Variants in DNAH11 observed in about 807,000 individuals in gnomAD.
The protein encoded by DNAH11 is axonemal beta dynein heavy chain 11.
In DNAH11, 442 loss-of-function variants were observed where a neutral mutation model predicts 526.0. That is an observed-to-expected ratio of 0.84 (90% CI 0.78 to 0.91). DNAH11 has a LOEUF of 0.91. Ranked by LOEUF, DNAH11 falls within the 40% of genes least tolerant of loss-of-function variation. The pLI, the probability that DNAH11 is intolerant of heterozygous loss-of-function variation, is 0.00. For synonymous variants in DNAH11, 2,461 were observed against 1,935.9 expected (o/e 1.27, Z -7.12); for missense variants, 6,989 against 5,448.7 (o/e 1.28, Z -8.90).
intron 55 of DNAH11, 53 bp from the exon 56 acceptor site, chr7:21,773,713 T>C: frequency 2.4e-6 from 3 of 1,231,792 alleles, no homozygotes; most frequent in Non-Finnish European, 3.2e-6. Context: ...TTTTTTAAGT[T>C]GTATTTTTAA....
intron 69 of DNAH11, among the ~76,000 whole-genome samples, chr7:21,863,595 G>C (rs973840797): frequency 4.6e-5 from 7 of 152,046 alleles, no homozygotes; most frequent in African/African-American, 1.7e-4. Flanking sequence ...GAAAGTGCTG[G>C]GATTACAGGC....
chr7:21,724,004 A>G (rs536685388), intron 44 of DNAH11, among the ~76,000 whole-genome samples: 10 of 152,338 alleles, frequency 6.6e-5, no homozygotes, highest in Admixed American at 2.0e-4. Context: ...TATGTTCCCC[A>G]TAAACTCTGT....
intron 63 of DNAH11, among the ~76,000 whole-genome samples, chr7:21,815,015 G>A (rs984026953): frequency 2.0e-5 from 3 of 152,114 alleles, no homozygotes; most frequent in Non-Finnish European, 4.4e-5. Context: ...TTTATATTAA[G>A]ATGGGTTTTA....
chr7:21,567,341 T>C (rs6461581), intron 6 of DNAH11, among the ~76,000 whole-genome samples: 15,353 of 152,208 alleles, frequency 0.1, 1,441 homozygotes, highest in East Asian at 0.29. Context: ...CATGAATTTA[T>C]TGATAAAGTT....
At chr7:21,870,766 T>C (rs1783465661) in intron 73 of DNAH11, among the ~76,000 whole-genome samples, 1 of 152,248 alleles carries the variant, frequency 6.6e-6, no homozygotes, top group Non-Finnish European at 1.5e-5. Flanking sequence ...AAGGATCTAC[T>C]TTTGGATATT....
rs543850217 is a variant in DNAH11 at position 21,561,686 on chromosome 7, T to A, written c.982+516T>A. 1.2e-4 allele frequency among the ~76,000 whole-genome samples: 19 copies of A among 152,258 alleles called. No individual in the cohort carries two copies. The East Asian group carries it at 3.7e-3, about 29-fold the overall frequency. On this transcript the variant is annotated intron_variant, in intron 5 of 81. Transcript: ENST00000409508. ...ACAAACCAGGAATCATAAAATGATA[T>A]CCAGTCGAAAGTCTTCTCACCATCC...
chr7:21,888,150 GA>G (rs1784197361), intron 76 of DNAH11, among the ~76,000 whole-genome samples: 1 of 152,166 alleles, frequency 6.6e-6, no homozygotes, highest in African/African-American at 2.4e-5. Flanking sequence ...GTATTGCCTA[GA>G]AAATCACCAA....
At chr7:21,869,575 C>T (rs1348487888) in intron 73 of DNAH11, among the ~76,000 whole-genome samples, 3 of 152,260 alleles carry the variant, frequency 2.0e-5, no homozygotes, top group East Asian at 3.9e-4. Context: ...CAGGCCACTG[C>T]CCAGGAGCTG....
chr7:21,793,430 A>G (rs1277601264), intron 61 of DNAH11, among the ~76,000 whole-genome samples: 1 of 151,970 alleles, frequency 6.6e-6, no homozygotes, highest in Non-Finnish European at 1.5e-5. Flanking sequence ...ATCCTGGCCA[A>G]CATGGTGAAA....
In DNAH11 at chr7:21,864,555, G is replaced by C; in HGVS notation, c.11394G>C (p.Glu3798Asp). Reference sequence around the variant, plus strand: ...TCAAGATTTTGTTGAGAAAGAAAGAGATAGACCCTCTTGAATTGGATTTCC... The same window carrying C: ...TCAAGATTTTGTTGAGAAAGAAAGACATAGACCCTCTTGAATTGGATTTCC... ...MAFQILLRKK[E>D]IDPLELDFLL... The change falls in exon 70 of 82, where the codon GAG becomes GAC. Residue 3798 changes from glutamate (E) to aspartate (D), a missense_variant. Glu to Asp is a conservative substitution (Grantham distance 45). Coordinates refer to ENST00000409508, the MANE Select transcript of DNAH11 (RefSeq NM_001277115.2). The C allele has an allele frequency of 6.2e-7, 1 of 1,611,686 alleles. No individual in the cohort carries two copies. The highest frequency in any genetic ancestry group is 8.5e-7 in the Non-Finnish European group (1 of 1,178,814).
At chr7:21,591,753 G>T (rs1449322398) in intron 14 of DNAH11, among the ~76,000 whole-genome samples, 176 bp downstream of exon 14, 1 of 152,190 alleles carries the variant, frequency 6.6e-6, no homozygotes, top group Non-Finnish European at 1.5e-5. Context: ...AATTTCTGTA[G>T]CCCTCACCAC....
intron 6 of DNAH11, among the ~76,000 whole-genome samples, chr7:21,565,830 T>C (rs1010313297): frequency 6.6e-6 from 1 of 152,210 alleles, no homozygotes; most frequent in African/African-American, 2.4e-5. Flanking sequence ...TTGCCCAAAC[T>C]ATTGACTTAC....
chr7:21,739,653 A>T lies in DNAH11; in HGVS notation c.7894A>T (p.Thr2632Ser). The T allele has an allele frequency of 6.2e-7, 1 of 1,612,788 alleles. No homozygotes were observed. Among genetic ancestry groups the T allele is most frequent in the South Asian group, 1.1e-5 (1 of 90,646 alleles). ...CATGAATCCGATGGTGGGCAGCTTC[A>T]CCATCAATCCCAGGCTACAGGTAGG... ...ACMNPMVGSF[T>S]INPRLQRHFT... Residue 2632 changes from threonine to serine, a missense_variant, in exon 48 of 82, where the codon ACC becomes TCC. Coordinates refer to ENST00000409508, the MANE Select transcript of DNAH11 (RefSeq NM_001277115.2).
At chr7:21,675,535 A>G (rs1412112457) in intron 30 of DNAH11, among the ~76,000 whole-genome samples, 1 of 152,180 alleles carries the variant, frequency 6.6e-6, no homozygotes, top group Non-Finnish European at 1.5e-5. Context: ...AAACAATTTT[A>G]ATTATTTATC....
chr7:21,829,665 T>G (rs1790461470), intron 65 of DNAH11, among the ~76,000 whole-genome samples: 2 of 152,258 alleles, frequency 1.3e-5, no homozygotes. Flanking sequence ...TAATCAATAC[T>G]GATGACATTT....
intron 62 of DNAH11, among the ~76,000 whole-genome samples, chr7:21,801,653 A>C (rs138750192): frequency 1.3e-5 from 2 of 152,310 alleles, no homozygotes; most frequent in African/African-American, 4.8e-5. Flanking sequence ...AAATCCTTTA[A>C]AAACAAAAAT....
At chr7:21,630,498 TCTG>T (rs1786554276) in intron 25 of DNAH11, among the ~76,000 whole-genome samples, 1 of 152,222 alleles carries the variant, frequency 6.6e-6, no homozygotes, top group Admixed American at 6.5e-5. Flanking sequence ...GTAAAACTAT[TCTG>T]GTGGTGGCGA....
At chr7:21,853,264 G>C (rs190723796) in intron 67 of DNAH11, among the ~76,000 whole-genome samples, 4 of 152,192 alleles carry the variant, frequency 2.6e-5, no homozygotes, top group Non-Finnish European at 5.9e-5. Flanking sequence ...TTGTTTCAGT[G>C]TGAATTAGAC....
At chr7:21,868,741 T>G (rs900330295) in intron 72 of DNAH11, 123 bp from the exon 73 acceptor site, 26 of 1,282,376 alleles carry the variant, frequency 2.0e-5, no homozygotes, top group Non-Finnish European at 2.7e-5. Flanking sequence ...TTTGGGATTC[T>G]TCAGGAAAGT....
Sources: gnomAD v4.1 joint callset for allele counts (sites outside exome capture counted in the v4.1 genomes callset) on GRCh38, gnomAD v4.1.1 for gene constraint, MANE v1.5 for transcripts, NCBI Gene and HGNC (gene_info 2026-07-23, HGNC 2026-07-21) for gene names.